The following RNF214 variants were observed in gnomAD, a reference collection of about 807,000 sequenced individuals.
RNF214 encodes ring finger protein 214.
RNF214 carries 25 observed loss-of-function variants against 75.9 expected under a neutral mutation model. The ratio of observed to expected loss-of-function variants is 0.33; its 90% confidence interval spans 0.24 to 0.46. RNF214 has a LOEUF of 0.46. RNF214 is among the 20% of genes least tolerant of loss of function. The probability of loss-of-function intolerance (pLI) is 1.00; values close to 1 mark genes in which losing one functional copy is unlikely to be tolerated. For missense variants in RNF214, 725 were observed against 857.5 expected, an observed-to-expected ratio of 0.85 and a Z score of 1.93; for synonymous variants, 314 against 308.8, an observed-to-expected ratio of 1.02 and a Z score of -0.18.
chr11:117,263,723 A>G, intron 6 of RNF214: 1 of 159,686 alleles, frequency 6.3e-6, no homozygotes, highest in Non-Finnish European at 1.4e-5. Context: ...TGGCAGAAAC[A>G]AATTATGGGC....
At chr11:117,257,108 A>G (rs2033544129) in intron 6 of RNF214, among the ~76,000 whole-genome samples, 1 of 152,262 alleles carries the variant, frequency 6.6e-6, no homozygotes, top group South Asian at 2.1e-4. Context: ...AGGCCAAAGT[A>G]GGAGGATTAC....
chr11:117,256,650 C>G (rs887413198), intron 6 of RNF214, among the ~76,000 whole-genome samples: 3 of 152,004 alleles, frequency 2.0e-5, no homozygotes, highest in Non-Finnish European at 4.4e-5. Flanking sequence ...GCCCAGAGCT[C>G]TGAGTTCCAA....
chr11:117,282,869 G>T lies in RNF214; in HGVS notation c.1950+19G>T. 1 of 1,564,956 alleles carries T rather than the reference G, an allele frequency of 6.4e-7. No individual in the cohort carries two copies. Among genetic ancestry groups the T allele is most frequent in the Non-Finnish European group, 8.8e-7 (1 of 1,135,402 alleles). ...TTCACATGTAAGACTCTTTTTCTTT[G>T]AACACTGTGATATGGAGAAGCTGGA... On this transcript the variant is annotated intron_variant, in intron 13 of 14. Coordinates refer to ENST00000300650, the MANE Select transcript of RNF214 (RefSeq NM_207343.4).
At chr11:117,270,169 G>A (rs1313381838) in intron 6 of RNF214, among the ~76,000 whole-genome samples, 1 of 151,952 alleles carries the variant, frequency 6.6e-6, no homozygotes, top group East Asian at 1.9e-4. Context: ...ATGGGCTTGG[G>A]GGAAGGTTGG....
At chr11:117,241,310 A>G (rs1438902951) in intron 4 of RNF214, among the ~76,000 whole-genome samples, 4 of 151,456 alleles carry the variant, frequency 2.6e-5, no homozygotes, top group Non-Finnish European at 4.4e-5. Context: ...GGCCGGGCAC[A>G]GTGGCTCATG....
chr11:117,242,819 A>C (rs1301601821), intron 4 of RNF214, among the ~76,000 whole-genome samples: 3 of 152,150 alleles, frequency 2.0e-5, no homozygotes, highest in African/African-American at 2.4e-5. Context: ...GCACCACTGC[A>C]CTCTAGCCTG....
At chr11:117,240,367 C>G (rs1591817782) in intron 4 of RNF214, among the ~76,000 whole-genome samples, 1 of 142,914 alleles carries the variant, frequency 7.0e-6, no homozygotes, top group East Asian at 2.1e-4. Flanking sequence ...AGAGTGAGAC[C>G]CTGTCTCAAA....
rs775125776 is a variant in RNF214 at position 117,238,660 on chromosome 11, C to G, written c.167C>G (p.Thr56Arg). Reference protein sequence around the residue: ...NSPLLSVSSQTITKENNRNVH... With the variant: ...NSPLLSVSSQRITKENNRNVH... ...CCTCTGTTGAGTGTAAGTAGCCAAA[C>G]AATAACCAAGGAGAATAACAGAAAT... The change falls in exon 3 of 15, where the codon ACA becomes AGA. Residue 56 changes from threonine (T) to arginine (R), a missense_variant. By Grantham distance (71) the Thr-to-Arg change is moderately conservative. This residue lies in a region of RNF214 where 362 missense variants were observed against 344.5 expected (regional missense o/e 1.05). Coordinates refer to ENST00000300650, the MANE Select transcript of RNF214 (RefSeq NM_207343.4). 5 of 1,614,174 alleles carry G rather than the reference C, an allele frequency of 3.1e-6. No homozygotes were observed. The East Asian group carries it at 8.9e-5, about 29-fold the overall frequency.
intron 2 of RNF214, among the ~76,000 whole-genome samples, chr11:117,235,620 C>T (rs551648553): frequency 6.6e-6 from 1 of 151,122 alleles, no homozygotes; most frequent in Non-Finnish European, 1.5e-5. Context: ...GATTCCCTTA[C>T]CTCAGCCTCC....
In RNF214 at chr11:117,283,066, G is replaced by C. The variant is rs772315779; in HGVS notation, c.1951-49G>C. ...TGGAATTATGGGCATAAAAGGCAAGGAGACCCAGAGGTTCCTTACCTTTTG... is the reference window on the plus strand; with the variant it reads ...TGGAATTATGGGCATAAAAGGCAAGCAGACCCAGAGGTTCCTTACCTTTTG... On this transcript the variant is annotated intron_variant, in intron 13 of 14. Coordinates refer to ENST00000300650, the MANE Select transcript of RNF214 (RefSeq NM_207343.4). 4 of 1,342,124 alleles carry C rather than the reference G, an allele frequency of 3.0e-6. No individual in the cohort carries two copies. In the African/African-American group the frequency reaches 4.4e-5, roughly 15 times the overall value. The allele number at this position is 1,342,124 out of a possible 1,614,324, so 83.1% of individuals were successfully genotyped here.
intron 6 of RNF214, among the ~76,000 whole-genome samples, chr11:117,272,254 A>AGCCACCTTGT (rs2134408613): frequency 6.6e-6 from 1 of 152,288 alleles, no homozygotes; most frequent in Admixed American, 6.5e-5. Flanking sequence ...CACCACCTTG[A>AGCCACCTTGT]GCCACCTTGC....
intron 4 of RNF214, 86 bp from the exon 5 acceptor site, chr11:117,244,359 C>A: frequency 2.7e-6 from 3 of 1,094,854 alleles, no homozygotes; most frequent in Non-Finnish European, 4.1e-6. Flanking sequence ...GGTCATAGAG[C>A]TCTATACAAT....
intron 13 of RNF214, 63 bp from the exon 14 acceptor site, chr11:117,283,052 G>T: frequency 8.6e-7 from 1 of 1,163,240 alleles, no homozygotes; most frequent in South Asian, 1.3e-5. Flanking sequence ...GGAATTATGG[G>T]CATAAAAGGC....
rs1296428803 is a variant in RNF214, at chr11:117,238,978, A to G, written c.485A>G (p.Glu162Gly). The change falls in exon 3 of 15, where the codon GAA (glutamate) becomes GGA (glycine). Residue 162 changes from glutamate to glycine, a missense_variant. Glu to Gly is a moderately conservative substitution (Grantham distance 98). This residue lies in a region of RNF214 where 362 missense variants were observed against 344.5 expected (regional missense o/e 1.05). Transcript: ENST00000300650. Reference sequence around the variant, plus strand: ...TCCCCACAAACCTCCATCCTAAAGGAAGGTAACAGGGACACAAGCTTGGAT... The same window carrying G: ...TCCCCACAAACCTCCATCCTAAAGGGAGGTAACAGGGACACAAGCTTGGAT... Reference protein sequence around the residue: ...EKSPQTSILKEGNRDTSLDFR... With the variant: ...EKSPQTSILKGGNRDTSLDFR... 2 of 1,614,170 alleles carry G rather than the reference A, an allele frequency of 1.2e-6. No homozygotes were observed. Among genetic ancestry groups the G allele is most frequent in the Non-Finnish European group, 1.7e-6 (2 of 1,180,034 alleles).
chr11:117,270,241 C>CTTTTTTT lies in RNF214; in HGVS notation c.960-9647_960-9641dup, dbSNP rs57144374. On this transcript the variant is annotated intron_variant, in intron 6 of 14. Transcript: ENST00000300650. ...TTTCAATTTTCTTTTCTTTTCTTTT[C>CTTTTTTT]TTTTTTTTTTTTTTTTTTTTTTTTT... Among the ~76,000 whole-genome samples the CTTTTTTT allele has an allele frequency of 3.7e-4, 28 of 75,872 alleles. 1 individual carries two copies. The highest frequency in any genetic ancestry group is 1.0e-3 in the African/African-American group (18 of 17,764). The allele number at this position is 75,872 out of a possible 152,430, so 49.8% of individuals were successfully genotyped here.
rs184156797 is a variant in RNF214 at position 117,268,830 on chromosome 11, G to A, written c.960-11078G>A. Among the ~76,000 whole-genome samples the A allele has an allele frequency of 1.3e-3, 194 of 152,238 alleles. 1 individual carries two copies. Among genetic ancestry groups the A allele is most frequent in the African/African-American group, 4.4e-3 (182 of 41,548 alleles). On this transcript the variant is annotated intron_variant, in intron 6 of 14. Transcript: ENST00000300650. The stretch of plus-strand genomic sequence containing the variant: ...TTCTGATTCATGAACATGGAAGAGC[G>A]CTCTTTTTCTTCTTGGCAATGATTC...
In RNF214 at chr11:117,244,349, G is replaced by A. The variant is rs951767764; in HGVS notation, c.679-96G>A. ...GAGTAGCTTCATTATTGGATAGTGC[G>A]GTCATAGAGCTCTATACAATGCCTT... On this transcript the variant is annotated intron_variant, in intron 4 of 14. Coordinates refer to ENST00000300650, the MANE Select transcript of RNF214 (RefSeq NM_207343.4). The A allele has an allele frequency of 9.6e-5, 87 of 909,784 alleles. No individual in the cohort carries two copies. The East Asian group carries it at 1.7e-3, about 18-fold the overall frequency. The allele number at this position is 909,784 out of a possible 1,614,324, so 56.4% of individuals were successfully genotyped here.
chr11:117,262,929 C>T (rs1242747453), intron 6 of RNF214, among the ~76,000 whole-genome samples: 1 of 152,100 alleles, frequency 6.6e-6, no homozygotes, highest in Non-Finnish European at 1.5e-5. Flanking sequence ...ACCTCAGCCT[C>T]GTGAGAAGCT....
At chr11:117,260,269 C>A (rs952516656) in intron 6 of RNF214, among the ~76,000 whole-genome samples, 1 of 152,150 alleles carries the variant, frequency 6.6e-6, no homozygotes, top group African/African-American at 2.4e-5. Context: ...GCTGGGACTA[C>A]AGCCATGTAC....
Sources: gnomAD v4.1 joint callset for allele counts (sites outside exome capture counted in the v4.1 genomes callset) on GRCh38, gnomAD v4.1.1 for gene constraint, gnomAD v4.1.1 regional missense constraint, MANE v1.5 for transcripts, NCBI Gene and HGNC (gene_info 2026-07-23, HGNC 2026-07-21) for gene names.